The following ADAM19 variants were observed in gnomAD, a reference collection of about 807,000 sequenced individuals.
The protein encoded by ADAM19 is disintegrin and metalloproteinase domain-containing protein 19.
In ADAM19, 65 loss-of-function variants were observed where a neutral mutation model predicts 114.7. That is an observed-to-expected ratio of 0.57 (90% confidence interval 0.46 to 0.70). The LOEUF (loss-of-function observed/expected upper bound fraction) is 0.70, where lower values mean the gene tolerates loss of function less well. Ranked by LOEUF, ADAM19 falls within the 30% of genes least tolerant of loss-of-function variation. The pLI, the probability that ADAM19 is intolerant of heterozygous loss-of-function variation, is 0.00. For missense variants in ADAM19, 1,063 were observed against 1,204.7 expected (o/e 0.88, Z 1.74); for synonymous variants, 466 against 460.5 (o/e 1.01, Z -0.15).
At chr5:157,531,136 A>T (rs1199068274) in intron 4 of ADAM19, among the ~76,000 whole-genome samples, 1 of 152,084 alleles carries the variant, frequency 6.6e-6, no homozygotes, top group Non-Finnish European at 1.5e-5. Context: ...GAGCAAAGAG[A>T]TTTGCCCAAG....
intron 4 of ADAM19, among the ~76,000 whole-genome samples, chr5:157,534,562 G>T (rs1756712324): frequency 6.6e-6 from 1 of 152,178 alleles, no homozygotes; most frequent in Non-Finnish European, 1.5e-5. Flanking sequence ...GGAGGCCAAG[G>T]CAAGAGGATC....
chr5:157,548,578 C>T (rs1561552407), intron 3 of ADAM19, among the ~76,000 whole-genome samples: 1 of 152,194 alleles, frequency 6.6e-6, no homozygotes, highest in African/African-American at 2.4e-5. Flanking sequence ...CAACTTGCCC[C>T]ATAGTACCCA....
rs1755114279 is a variant in ADAM19, at chr5:157,490,454, C to A, written c.2096G>T (p.Ser699Ile). 6.2e-7 allele frequency: 1 copy of A among 1,613,816 alleles called. No homozygotes were observed. The highest frequency in any genetic ancestry group is 1.7e-5 in the Admixed American group (1 of 60,000). The change falls in exon 19 of 23, where the codon AGT becomes ATT. Residue 699 changes from serine (S) to isoleucine (I), a missense_variant and splice_region_variant. Ser to Ile is a moderately radical substitution (Grantham distance 142). Coordinates refer to ENST00000257527, the MANE Select transcript of ADAM19 (RefSeq NM_033274.5). ...CACTCCAGCTACCACAGGACCCACA[C>A]CTTCCAGAAACAGAACCCAAGTGGG... is the stretch of plus-strand genomic sequence containing the variant. ...SIDSGPMPPE[S>I]VGPVVAGVLV...
chr5:157,486,194 C>A (rs1471595336), intron 21 of ADAM19, among the ~76,000 whole-genome samples: 2 of 152,208 alleles, frequency 1.3e-5, no homozygotes, highest in African/African-American at 4.8e-5. Context: ...CTCCTCCACT[C>A]ACAACTGTGC....
intron 2 of ADAM19, among the ~76,000 whole-genome samples, chr5:157,564,662 C>G (rs1757604810): frequency 6.6e-6 from 1 of 152,200 alleles, no homozygotes; most frequent in South Asian, 2.1e-4. Flanking sequence ...AGAAGAAACT[C>G]CAGGCTGCAA....
At chr5:157,510,556 T>C (rs1411396547) in intron 8 of ADAM19, among the ~76,000 whole-genome samples, 2 of 152,246 alleles carry the variant, frequency 1.3e-5, no homozygotes, top group Non-Finnish European at 2.9e-5. Context: ...CCCTCATGTC[T>C]ATTGATAGTC....
chr5:157,488,198 C>T, intron 21 of ADAM19, 67 bp downstream of exon 21: 2 of 1,490,734 alleles, frequency 1.3e-6, no homozygotes, highest in South Asian at 1.2e-5. Flanking sequence ...CCCACCTTTG[C>T]CATTACCCAT....
chr5:157,537,793 C>T (rs892561722), intron 4 of ADAM19, 120 bp downstream of exon 4: 5 of 851,206 alleles, frequency 5.9e-6, no homozygotes, highest in Non-Finnish European at 7.4e-6. Flanking sequence ...CCTTGGTCTT[C>T]GCTTGGGGGA....
chr5:157,490,101 G>A (rs1009379934), intron 19 of ADAM19, among the ~76,000 whole-genome samples: 4 of 152,184 alleles, frequency 2.6e-5, no homozygotes, highest in Non-Finnish European at 5.9e-5. Context: ...GAAGAACTCA[G>A]GAGTGATGAC....
At chr5:157,544,939 CAG>C (rs1757008752) in intron 3 of ADAM19, among the ~76,000 whole-genome samples, 2 of 152,058 alleles carry the variant, frequency 1.3e-5, no homozygotes, top group Admixed American at 6.5e-5. Context: ...GGATAAGACA[CAG>C]GGGAAATGAA....
At chr5:157,558,501 T>C (rs1014972132) in intron 3 of ADAM19, among the ~76,000 whole-genome samples, 9 of 152,238 alleles carry the variant, frequency 5.9e-5, no homozygotes, top group African/African-American at 2.2e-4. Flanking sequence ...TGCAACTCAG[T>C]GAAGCATGGT....
chr5:157,563,104 C>A (rs1438605771), intron 3 of ADAM19, among the ~76,000 whole-genome samples: 4 of 151,920 alleles, frequency 2.6e-5, no homozygotes, highest in Admixed American at 1.3e-4. Context: ...CAAAGGAAGA[C>A]AATGCAAGGA....
intron 21 of ADAM19, among the ~76,000 whole-genome samples, chr5:157,485,714 G>A (rs1406380331): frequency 6.6e-6 from 1 of 152,200 alleles, no homozygotes. Context: ...AGTGGGTCCT[G>A]GGACCAGGAA....
intron 2 of ADAM19, chr5:157,568,962 T>C (rs1020205417): frequency 6.6e-6 from 1 of 152,170 alleles, no homozygotes; most frequent in Non-Finnish European, 1.5e-5. Context: ...TCTGCTTTGT[T>C]CTCAGGCCCT....
intron 4 of ADAM19, among the ~76,000 whole-genome samples, chr5:157,533,021 C>T (rs1271086680): frequency 2.0e-5 from 3 of 152,110 alleles, no homozygotes; most frequent in Non-Finnish European, 4.4e-5. Flanking sequence ...TCTCCTTTAT[C>T]AAAGAATATG....
Position 157,494,669 on chromosome 5 carries a change from C to T in ADAM19, c.1703+18G>A. The T allele has an allele frequency of 6.2e-7, 1 of 1,604,120 alleles. No homozygotes were observed. Among genetic ancestry groups the T allele is most frequent in the Non-Finnish European group, 8.5e-7 (1 of 1,171,518 alleles). ...CTTGTTCATCCTCATTTCATGAGGC[C>T]TGCCCTTTGGTCATCACCTCATGTT... On this transcript the variant is annotated intron_variant, in intron 15 of 22. Transcript: ENST00000257527.
chr5:157,480,604 T>C lies in ADAM19; in HGVS notation c.*345A>G. The C allele has an allele frequency of 8.9e-7, 1 of 1,119,346 alleles. No individual in the cohort carries two copies. The allele number at this position is 1,119,346 out of a possible 1,614,324, so 69.3% of individuals were successfully genotyped here. A position where few individuals can be genotyped will look rare whatever the true frequency, so the allele number is the denominator to read the frequency against. The stretch of plus-strand genomic sequence containing the variant: ...TGGATGGCTTCTGCAAGCGAAGTGC[T>C]GGCCTGAGGGGCTTGCTGGCCTTGA... On this transcript the variant is annotated 3_prime_UTR_variant, in exon 23 of 23. Coordinates refer to ENST00000257527, the MANE Select transcript of ADAM19 (RefSeq NM_033274.5).
chr5:157,499,027 A>G (rs903287247), intron 13 of ADAM19, among the ~76,000 whole-genome samples: 4 of 152,134 alleles, frequency 2.6e-5, no homozygotes, highest in African/African-American at 7.2e-5. Context: ...TCTCACATCA[A>G]TATTAGGAAT....
intron 3 of ADAM19, among the ~76,000 whole-genome samples, chr5:157,553,918 CTTG>C (rs1396329857): frequency 6.6e-6 from 1 of 152,096 alleles, no homozygotes; most frequent in African/African-American, 2.4e-5. Context: ...AACTCTATAA[CTTG>C]TTTAATTTTT....
Sources: gnomAD v4.1 joint callset for allele counts (sites outside exome capture counted in the v4.1 genomes callset) on GRCh38, gnomAD v4.1.1 for gene constraint, MANE v1.5 for transcripts, NCBI Gene and HGNC (gene_info 2026-07-23, HGNC 2026-07-21) for gene names.